Variants in CEP85 observed in about 807,000 individuals in gnomAD.
CEP85 encodes centrosomal protein of 85 kDa.
Under a neutral mutation model 93.7 loss-of-function variants are expected in CEP85, and 58 were observed. That is an observed-to-expected ratio of 0.62 (90% CI 0.50 to 0.77). The LOEUF (loss-of-function observed/expected upper bound fraction) is 0.77. CEP85 is among the 30% of genes least tolerant of loss of function. The pLI, the probability that CEP85 is intolerant of heterozygous loss-of-function variation, is 0.00. For missense variants in CEP85, 868 were observed against 922.0 expected, an observed-to-expected ratio of 0.94 and a Z score of 0.76; for synonymous variants, 314 against 338.6, an observed-to-expected ratio of 0.93 and a Z score of 0.80.
intron 3 of CEP85, among the ~76,000 whole-genome samples, chr1:26,249,455 G>T (rs2089570049): frequency 1.3e-5 from 2 of 152,202 alleles, no homozygotes; most frequent in Non-Finnish European, 2.9e-5. Flanking sequence ...CCTGTGACTG[G>T]TATACAGTAT....
chr1:26,264,614 A>G (rs898798834), intron 7 of CEP85, among the ~76,000 whole-genome samples: 1 of 152,192 alleles, frequency 6.6e-6, no homozygotes, highest in South Asian at 2.1e-4. Context: ...ACTTCACTGT[A>G]GTATCAGACT....
intron 1 of CEP85, among the ~76,000 whole-genome samples, chr1:26,238,274 C>T (rs1212146054): frequency 3.7e-5 from 5 of 134,420 alleles, no homozygotes; most frequent in African/African-American, 1.4e-4. Context: ...GATCTTGGCT[C>T]ACTGCAGCCT....
At chr1:26,277,078 C>A in intron 13 of CEP85, 58 bp from the exon 14 acceptor site, 2 of 1,556,050 alleles carry the variant, frequency 1.3e-6, no homozygotes, top group South Asian at 1.1e-5. Context: ...ATACTGCACC[C>A]TCCACATGAA....
At chr1:26,273,927 AAT>A (rs1275858562) in intron 11 of CEP85, among the ~76,000 whole-genome samples, 6 of 143,236 alleles carry the variant, frequency 4.2e-5, no homozygotes, top group African/African-American at 1.3e-4. Flanking sequence ...TAAATAAATA[AAT>A]AAAATATATA....
intron 3 of CEP85, among the ~76,000 whole-genome samples, chr1:26,246,033 C>CT (rs2089504593): frequency 6.6e-6 from 1 of 151,940 alleles, no homozygotes; most frequent in African/African-American, 2.4e-5. Context: ...TGTGTGACTC[C>CT]GTTTTTTATT....
intron 2 of CEP85, among the ~76,000 whole-genome samples, chr1:26,243,947 C>T (rs892537890): frequency 1.4e-5 from 2 of 145,006 alleles, no homozygotes; most frequent in Non-Finnish European, 3.0e-5. Flanking sequence ...CAGTGAGCTG[C>T]GCGCCACTGC....
chr1:26,252,806 A>T (rs1301522744), intron 3 of CEP85, among the ~76,000 whole-genome samples: 1 of 152,188 alleles, frequency 6.6e-6, no homozygotes, highest in African/African-American at 2.4e-5. Flanking sequence ...ATTAGATACT[A>T]TGCATGTAAT....
In CEP85 at chr1:26,255,364, C is replaced by T; in HGVS notation, c.402C>T (p.Asp134=). Residue 134 remains aspartate, a synonymous_variant, in exon 4 of 14, where the codon GAC becomes GAT. Transcript: ENST00000451429. ...AESVGMTRNG[D]LGAMKHSPGL... ...GTGTGGGAATGACAAGAAATGGAGA[C>T]CTCGGTGCAATGAAACATTCTCCAG... The T allele has an allele frequency of 1.2e-6, 2 of 1,614,034 alleles. No individual in the cohort carries two copies. The highest frequency in any genetic ancestry group is 1.7e-5 in the Admixed American group (1 of 60,010).
chr1:26,257,122 G>A (rs61777788), intron 4 of CEP85, among the ~76,000 whole-genome samples: 10,896 of 152,044 alleles, frequency 0.072, 560 homozygotes, highest in Non-Finnish European at 0.11. Flanking sequence ...TATTAGAGAC[G>A]GGTTTTCACC....
Position 26,254,328 on chromosome 1 carries a change from G to A in CEP85, c.209-843G>A, listed in dbSNP as rs1219710618. Among the ~76,000 whole-genome samples the A allele has an allele frequency of 2.6e-5, 4 of 152,034 alleles. No homozygotes were observed. In the East Asian group the frequency reaches 7.7e-4, roughly 29 times the overall value. On this transcript the variant is annotated intron_variant, in intron 3 of 13. Coordinates refer to ENST00000451429, the MANE Select transcript of CEP85 (RefSeq NM_001319944.2). The stretch of plus-strand genomic sequence containing the variant: ...GAGTAGTACTTGAAAGTTGGAAATA[G>A]GTAGAAATGTGAACCTTGTATAGTA...
chr1:26,239,558 G>T (rs1191761528), intron 1 of CEP85, among the ~76,000 whole-genome samples: 1 of 147,084 alleles, frequency 6.8e-6, no homozygotes. Context: ...CCCCATGTTG[G>T]TCAGGCTGGT....
At chr1:26,253,534 C>T (rs892849203) in intron 3 of CEP85, among the ~76,000 whole-genome samples, 2 of 151,676 alleles carry the variant, frequency 1.3e-5, no homozygotes, top group Non-Finnish European at 1.5e-5. Flanking sequence ...GGACTACAGG[C>T]GCGTGCCACC....
At chr1:26,234,596 C>T (rs146256477) in intron 1 of CEP85, among the ~76,000 whole-genome samples, 159 of 152,378 alleles carry the variant, frequency 1.0e-3, no homozygotes, top group African/African-American at 3.4e-3. Context: ...CAGCGAGCGG[C>T]GCATTCCTTG....
chr1:26,239,717 T>C (rs1212513636), intron 1 of CEP85, 45 bp from the exon 2 acceptor site: 6 of 1,171,534 alleles, frequency 5.1e-6, no homozygotes, highest in Non-Finnish European at 7.7e-6. Flanking sequence ...TGCGGGGAAT[T>C]AAAGATACTT....
chr1:26,249,613 T>C (rs930020268), intron 3 of CEP85, among the ~76,000 whole-genome samples: 1 of 152,212 alleles, frequency 6.6e-6, no homozygotes, highest in Non-Finnish European at 1.5e-5. Context: ...TGCAAAAGAC[T>C]GAAATAGTCA....
intron 4 of CEP85, among the ~76,000 whole-genome samples, chr1:26,256,746 G>A (rs150811342): frequency 0.016 from 2,345 of 149,554 alleles, 59 homozygotes; most frequent in African/African-American, 0.054. Context: ...CTACAGGTGC[G>A]TGCCAACACG....
At chr1:26,264,093 T>G (rs1321887725) in intron 7 of CEP85, among the ~76,000 whole-genome samples, 1 of 152,240 alleles carries the variant, frequency 6.6e-6, no homozygotes, top group Non-Finnish European at 1.5e-5. Context: ...GGGTACAGTA[T>G]CTCTCTGACA....
chr1:26,270,689 T>C (rs570798715), intron 9 of CEP85, among the ~76,000 whole-genome samples: 123 of 152,346 alleles, frequency 8.1e-4, no homozygotes, highest in African/African-American at 2.9e-3. Context: ...TTTCCAAACT[T>C]TCTACAATGT....
intron 3 of CEP85, among the ~76,000 whole-genome samples, chr1:26,250,925 C>A (rs4659414): frequency 3.6e-5 from 2 of 55,132 alleles, no homozygotes; most frequent in African/African-American, 5.9e-5. Context: ...TTTTTTTTTT[C>A]TTTTTTCTTT....
Sources: gnomAD v4.1 joint callset for allele counts (sites outside exome capture counted in the v4.1 genomes callset) on GRCh38, gnomAD v4.1.1 for gene constraint, MANE v1.5 for transcripts, NCBI Gene and HGNC (gene_info 2026-07-23, HGNC 2026-07-21) for gene names.